The following ARPP21 variants were observed in gnomAD, a reference collection of about 807,000 sequenced individuals.
ARPP21 encodes the protein cAMP-regulated phosphoprotein 21.
A neutral mutation model predicts 113.2 loss-of-function variants in ARPP21; 69 were observed. The ratio of observed to expected loss-of-function variants is 0.61; its 90% confidence interval spans 0.50 to 0.74. The LOEUF is 0.74. ARPP21 is among the 30% of genes least tolerant of loss of function. ARPP21 has a pLI of 0.00. For synonymous variants in ARPP21, 368 were observed against 375.5 expected, an observed-to-expected ratio of 0.98 and a Z score of 0.23; for missense variants, 1,070 against 1,037.4, an observed-to-expected ratio of 1.03 and a Z score of -0.43.
chr3:35,782,665 TTGAATGTGCTA>T (rs1174564485), intron 19 of ARPP21, among the ~76,000 whole-genome samples: 1 of 152,154 alleles, frequency 6.6e-6, no homozygotes, highest in African/African-American at 2.4e-5. Context: ...ACCGTTGATG[TTGAATGTGCTA>T]TGAATTATGA....
intron 15 of ARPP21, among the ~76,000 whole-genome samples, chr3:35,736,059 TGGAAA>T (rs2094330445): frequency 6.6e-6 from 1 of 152,246 alleles, no homozygotes; most frequent in Non-Finnish European, 1.5e-5. Context: ...TTTGGCATAA[TGGAAA>T]GTGAATAGAC....
chr3:35,760,496 C>T (rs905690924), intron 19 of ARPP21, among the ~76,000 whole-genome samples: 8 of 151,578 alleles, frequency 5.3e-5, no homozygotes, highest in African/African-American at 1.5e-4. Context: ...CCACAGATGG[C>T]TTTATTTGGG....
At chr3:35,703,283 A>G (rs1369344073) in intron 9 of ARPP21, among the ~76,000 whole-genome samples, 1 of 151,926 alleles carries the variant, frequency 6.6e-6, no homozygotes, top group Non-Finnish European at 1.5e-5. Flanking sequence ...TCAAGGGGGA[A>G]AAAACTAAAA....
At chr3:35,659,094 A>G (rs566803428) in intron 1 of ARPP21, among the ~76,000 whole-genome samples, 8 of 152,334 alleles carry the variant, frequency 5.3e-5, no homozygotes, top group African/African-American at 1.7e-4. Context: ...GACTTTGATA[A>G]TCAAGACATG....
chr3:35,782,950 A>G (rs1056401903), intron 19 of ARPP21, among the ~76,000 whole-genome samples: 1 of 151,706 alleles, frequency 6.6e-6, no homozygotes, highest in Non-Finnish European at 1.5e-5. Context: ...CCTTGCTTTT[A>G]TTGAGGTCAC....
At chr3:35,714,855 G>C (rs536360344) in intron 11 of ARPP21, 1 of 151,518 alleles carries the variant, frequency 6.6e-6, no homozygotes, top group Admixed American at 6.6e-5. Context: ...TTTAATTAGC[G>C]TATTTTCATC....
At chr3:35,777,262 A>G (rs1051879991) in intron 19 of ARPP21, among the ~76,000 whole-genome samples, 2 of 152,164 alleles carry the variant, frequency 1.3e-5, no homozygotes, top group Non-Finnish European at 2.9e-5. Context: ...TAACTACTAC[A>G]CAGTAAATGC....
chr3:35,697,681 T>A (rs1269185896), intron 9 of ARPP21, among the ~76,000 whole-genome samples: 1 of 151,590 alleles, frequency 6.6e-6, no homozygotes, highest in Non-Finnish European at 1.5e-5. Flanking sequence ...TATGCCAAGG[T>A]CACAGAACAT....
rs1321050910 is a variant in ARPP21 at position 35,739,392 on chromosome 3, T to C, written c.1825T>C (p.Ser609Pro). The change falls in exon 18 of 21, where the codon TCA becomes CCA. Residue 609 changes from serine to proline, a missense_variant. By Grantham distance (74) the Ser-to-Pro change is moderately conservative. Coordinates refer to ENST00000684406, the MANE Select transcript of ARPP21 (RefSeq NM_001385562.1). ...QSSGETPEPP[S>P]GPVYPSSLMP... ...CTCGGGGGAGACTCCTGAACCCCCA[T>C]CAGGTCCTGTCTACCCATCCTCCCT... 6.2e-7 allele frequency: 1 copy of C among 1,613,906 alleles called. No individual in the cohort carries two copies. Among genetic ancestry groups the C allele is most frequent in the Non-Finnish European group, 8.5e-7 (1 of 1,179,990 alleles).
chr3:35,651,927 T>C (rs545028901), intron 1 of ARPP21: 1 of 152,110 alleles, frequency 6.6e-6, no homozygotes, highest in Non-Finnish European at 1.5e-5. Flanking sequence ...CTCTATATGA[T>C]GAATGCTTCC....
intron 19 of ARPP21, chr3:35,744,599 A>G (rs944534924): frequency 2.0e-6 from 1 of 496,030 alleles, no homozygotes; most frequent in South Asian, 1.5e-5. Context: ...GAGCAGCACG[A>G]ACCCGACAGG....
chr3:35,761,835 C>T (rs1235268266), intron 19 of ARPP21, among the ~76,000 whole-genome samples: 1 of 151,986 alleles, frequency 6.6e-6, no homozygotes. Context: ...AGCAGAACAC[C>T]AACTTTGTAG....
intron 19 of ARPP21, among the ~76,000 whole-genome samples, chr3:35,757,823 T>A (rs1359747185): frequency 6.6e-6 from 1 of 152,130 alleles, no homozygotes; most frequent in Admixed American, 6.6e-5. Context: ...TTTGGTATTA[T>A]ATTTATTCAA....
intron 19 of ARPP21, among the ~76,000 whole-genome samples, chr3:35,763,989 T>C (rs576173994): frequency 3.9e-5 from 6 of 151,962 alleles, no homozygotes; most frequent in African/African-American, 1.4e-4. Flanking sequence ...CATAGGGAAA[T>C]CCCCATATCT....
intron 1 of ARPP21, among the ~76,000 whole-genome samples, chr3:35,643,433 G>GAAGACAATTCACACTGGCTAAAGTATT (rs1266467756): frequency 1.3e-5 from 2 of 152,058 alleles, no homozygotes; most frequent in African/African-American, 2.4e-5. Flanking sequence ...TCTAGAGGAG[G>GAAGACAATTCACACTGGCTAAAGTATT]AAGACAATTC....
At chr3:35,744,609 G>T (rs1359247914) in intron 19 of ARPP21, 2 of 468,704 alleles carry the variant, frequency 4.3e-6, no homozygotes, top group African/African-American at 2.0e-5. Flanking sequence ...AACCCGACAG[G>T]GCTGAGTGGC....
Position 35,743,883 on chromosome 3 carries a change from C to T in ARPP21, c.2055C>T (p.Thr685=). Residue 685 remains threonine, a synonymous_variant, in exon 19 of 21, where the codon ACC becomes ACT. Coordinates refer to ENST00000684406, the MANE Select transcript of ARPP21 (RefSeq NM_001385562.1). ...CATCTGGTCAGTACCCTACCTCAACCACGCAACAGTACCGGCCCATGGCCC... is the reference window on the plus strand; with the variant it reads ...CATCTGGTCAGTACCCTACCTCAACTACGCAACAGTACCGGCCCATGGCCC... ...YYPSGQYPTS[T]TQQYRPMAPV... 6.2e-7 allele frequency: 1 copy of T among 1,614,134 alleles called. No individual in the cohort carries two copies. The highest frequency in any genetic ancestry group is 8.5e-7 in the Non-Finnish European group (1 of 1,179,944).
intron 1 of ARPP21, among the ~76,000 whole-genome samples, chr3:35,667,865 G>A (rs1315261885): frequency 1.5e-5 from 2 of 129,452 alleles, no homozygotes; most frequent in Non-Finnish European, 3.1e-5. Context: ...AGAAGAAGAA[G>A]AAGAAGAAGA....
intron 3 of ARPP21, chr3:35,682,409 T>A (rs1458098167): frequency 6.2e-6 from 1 of 161,774 alleles, no homozygotes; most frequent in East Asian, 1.8e-4. Context: ...AATGAAAAAG[T>A]GCTGTGAAAC....
Sources: allele counts gnomAD v4.1 joint callset (sites outside exome capture counted in the v4.1 genomes callset), GRCh38; gene constraint gnomAD v4.1.1; transcripts MANE v1.5; gene names NCBI Gene and HGNC (gene_info 2026-07-23, HGNC 2026-07-21).